The following WASHC5 variants were observed in gnomAD, a reference collection of about 807,000 sequenced individuals.
The protein encoded by WASHC5 is WASH complex subunit 5, also known as WASH complex subunit strumpellin.
Under a neutral mutation model 150.4 loss-of-function variants are expected in WASHC5, and 101 were observed. The observed-to-expected ratio is 0.67, with a 90% CI of 0.57 to 0.79. WASHC5 has a LOEUF of 0.79. Among genes scored for constraint, WASHC5 ranks in the 30% least tolerant of loss-of-function variants. WASHC5 has a pLI of 0.00. For synonymous variants in WASHC5, 467 were observed against 491.2 expected, an observed-to-expected ratio of 0.95 and a Z score of 0.65; for missense variants, 1,195 against 1,396.3, an observed-to-expected ratio of 0.86 and a Z score of 2.30.
chr8:125,055,781 T>G (rs776275473), intron 16 of WASHC5, 110 bp from the exon 17 acceptor site: 186 of 765,220 alleles, frequency 2.4e-4, no homozygotes, highest in Non-Finnish European at 3.7e-4. Context: ...CCACATATTC[T>G]GGACAGAAAT....
chr8:125,044,512 A>G, intron 21 of WASHC5, 24 bp downstream of exon 21: 2 of 1,613,608 alleles, frequency 1.2e-6, no homozygotes, highest in Non-Finnish European at 1.7e-6. Flanking sequence ...GGCAGAAAAC[A>G]GGCATGAAAG....
rs1298565783 is a variant in WASHC5, at chr8:125,049,161, T to C, written c.2224A>G (p.Lys742Glu). Residue 742 changes from lysine to glutamate, a missense_variant, in exon 19 of 29, where the codon AAA becomes GAA. This residue lies in a region of WASHC5 where 997 missense variants were observed against 1,168.1 expected (regional missense o/e 0.85). Transcript: ENST00000318410. Reference protein sequence around the residue: ...AKPSELMPKLKELGATMDGFH... With the variant: ...AKPSELMPKLEELGATMDGFH... The stretch of plus-strand genomic sequence containing the variant: ...CCATCCATGGTCGCTCCCAACTCTT[T>C]CAGCTTGGGCATCAATTCACTTGGC... 2 of 1,614,010 alleles carry C rather than the reference T, an allele frequency of 1.2e-6. No homozygotes were observed. The highest frequency in any genetic ancestry group is 2.7e-5 in the African/African-American group (2 of 74,912).
intron 26 of WASHC5, 186 bp from the exon 27 acceptor site, chr8:125,032,580 G>A (rs1286499756): frequency 1.0e-5 from 7 of 673,946 alleles, no homozygotes; most frequent in Non-Finnish European, 1.8e-5. Flanking sequence ...CATTCCAGGG[G>A]TCTGAAGGAT....
In WASHC5 at chr8:125,083,109, A is replaced by G; in HGVS notation, c.332+4T>C. On this transcript the variant is annotated splice_donor_region_variant and intron_variant, in intron 3 of 28. Transcript: ENST00000318410. ...GAATAAGCTATTCCTAAATAGATCAATACCTGTTTAAGTCTACAATATATT... is the reference window on the plus strand; with the variant it reads ...GAATAAGCTATTCCTAAATAGATCAGTACCTGTTTAAGTCTACAATATATT... The G allele has an allele frequency of 3.3e-6, 5 of 1,493,306 alleles. No individual in the cohort carries two copies. The highest frequency in any genetic ancestry group is 1.7e-4 in the Middle Eastern group (1 of 5,800). 92.5% of individuals were successfully genotyped at this position (1,493,306 alleles called of 1,614,324 possible). A position where few individuals can be genotyped will look rare whatever the true frequency, so the allele number is the denominator to read the frequency against.
intron 25 of WASHC5, 73 bp from the exon 26 acceptor site, chr8:125,037,406 G>A: frequency 1.1e-6 from 1 of 941,468 alleles, no homozygotes; most frequent in Non-Finnish European, 1.7e-6. Context: ...GTTTCCAAAT[G>A]AAAATCTTCC....
At chr8:125,062,583 T>C (rs574618336) in intron 11 of WASHC5, among the ~76,000 whole-genome samples, 1 of 152,214 alleles carries the variant, frequency 6.6e-6, no homozygotes, top group South Asian at 2.1e-4. Context: ...CTAGTTTATA[T>C]CACATCGTTA....
intron 1 of WASHC5, among the ~76,000 whole-genome samples, chr8:125,089,961 A>G (rs1328490135): frequency 2.0e-5 from 3 of 152,216 alleles, no homozygotes; most frequent in Non-Finnish European, 4.4e-5. Context: ...AAAGCATATG[A>G]GTTATATTTA....
At chr8:125,082,656 C>A (rs1817302744) in intron 3 of WASHC5, among the ~76,000 whole-genome samples, 189 bp from the exon 4 acceptor site, 1 of 152,086 alleles carries the variant, frequency 6.6e-6, no homozygotes, top group South Asian at 2.1e-4. Flanking sequence ...ATATTTATCG[C>A]TGTTCCAAGT....
Position 125,082,451 on chromosome 8 carries a change from T to A in WASHC5, c.349A>T (p.Asn117Tyr). 2 of 1,573,128 alleles carry A rather than the reference T, an allele frequency of 1.3e-6. No individual in the cohort carries two copies. Among genetic ancestry groups the A allele is most frequent in the Admixed American group, 1.7e-5 (1 of 59,952 alleles). Residue 117 changes from asparagine (N) to tyrosine (Y), a missense_variant, in exon 4 of 29, where the codon AAT (asparagine) becomes TAT (tyrosine). By Grantham distance (143) the Asn-to-Tyr change is moderately radical. Around this residue, in one of 3 missense-constraint regions of WASHC5, gnomAD observed 195 missense variants for 206.9 expected, o/e 0.94. Transcript: ENST00000318410. Reference sequence around the variant, plus strand: ...GTTTGCTGAATATAAACCCCTTCATTGAGATCATCTAGATATCTAGAAATA... The same window carrying A: ...GTTTGCTGAATATAAACCCCTTCATAGAGATCATCTAGATATCTAGAAATA... ...VDLNRYLDDL[N>Y]EGVYIQQTLE...
intron 27 of WASHC5, 100 bp from the exon 28 acceptor site, chr8:125,028,807 G>C: frequency 1.3e-6 from 1 of 795,424 alleles, no homozygotes; most frequent in South Asian, 1.4e-5. Flanking sequence ...ATTACCTAAT[G>C]AAGTCAAAGA....
chr8:125,026,095 A>G (rs137932753), intron 28 of WASHC5, among the ~76,000 whole-genome samples: 22 of 152,340 alleles, frequency 1.4e-4, no homozygotes, highest in Non-Finnish European at 2.4e-4. Flanking sequence ...AATAGCACTT[A>G]CAAGTCCCAT....
intron 16 of WASHC5, among the ~76,000 whole-genome samples, 185 bp from the exon 17 acceptor site, chr8:125,055,856 C>T (rs185358794): frequency 7.5e-4 from 114 of 152,292 alleles, no homozygotes; most frequent in African/African-American, 2.7e-3. Flanking sequence ...CAGAAGACAA[C>T]AGTTTATTCT....
intron 10 of WASHC5, among the ~76,000 whole-genome samples, chr8:125,065,617 T>A (rs1317189381): frequency 2.7e-5 from 4 of 148,226 alleles, no homozygotes; most frequent in Non-Finnish European, 5.9e-5. Context: ...TTTCTTTCAT[T>A]CCTTTTTTTT....
chr8:125,046,803 AG>A (rs1816081035), intron 20 of WASHC5, among the ~76,000 whole-genome samples: 1 of 152,164 alleles, frequency 6.6e-6, no homozygotes, highest in Non-Finnish European at 1.5e-5. Context: ...GGGAGAGATT[AG>A]ATTCTTCTAA....
At chr8:125,081,854 A>G in intron 4 of WASHC5, 93 bp from the exon 5 acceptor site, 1 of 796,052 alleles carries the variant, frequency 1.3e-6, no homozygotes, top group Non-Finnish European at 2.2e-6. Flanking sequence ...CTTTGCTCAC[A>G]CTTCTTCAAA....
At chr8:125,036,485 A>G (rs953812692) in intron 26 of WASHC5, among the ~76,000 whole-genome samples, 4 of 152,114 alleles carry the variant, frequency 2.6e-5, no homozygotes, top group African/African-American at 9.7e-5. Flanking sequence ...AGTCTCGGCA[A>G]CATGGCAAAA....
intron 9 of WASHC5, among the ~76,000 whole-genome samples, chr8:125,072,878 T>C (rs1437111867): frequency 2.0e-5 from 3 of 152,176 alleles, no homozygotes; most frequent in Non-Finnish European, 4.4e-5. Flanking sequence ...TATGTCTACA[T>C]TTGATCTCCC....
At chr8:125,036,195 C>G (rs1303440832) in intron 26 of WASHC5, among the ~76,000 whole-genome samples, 2 of 152,148 alleles carry the variant, frequency 1.3e-5, no homozygotes, top group African/African-American at 4.8e-5. Context: ...CATCATGGTT[C>G]CAGATACACA....
rs538281069 is a variant in WASHC5, at chr8:125,050,510, C to G, written c.2199+54G>C. ...GATAGGTTAAAAATGGCATTCTAGT[C>G]CATGCTGCAAGCTGGGCGGAGAAGA... On this transcript the variant is annotated intron_variant, in intron 18 of 28. Transcript: ENST00000318410. The G allele has an allele frequency of 3.2e-6, 4 of 1,262,602 alleles. No individual in the cohort carries two copies. The East Asian group carries it at 9.3e-5, about 29-fold the overall frequency. 78.2% of individuals were successfully genotyped at this position (1,262,602 alleles called of 1,614,324 possible).
Sources: allele counts gnomAD v4.1 joint callset (sites outside exome capture counted in the v4.1 genomes callset), GRCh38; gene constraint gnomAD v4.1.1; regional missense constraint gnomAD v4.1.1; transcripts MANE v1.5; gene names NCBI Gene and HGNC (gene_info 2026-07-23, HGNC 2026-07-21).